PPFIA1: variants seen among roughly 807,000 people sequenced by gnomAD.
PPFIA1 encodes PPFI scaffold protein A1, also known as liprin-alpha-1.
A neutral mutation model predicts 149.9 loss-of-function variants in PPFIA1; 25 were observed. The observed-to-expected ratio is 0.17, with a 90% CI of 0.12 to 0.23. The LOEUF is 0.23. PPFIA1 is among the 10% of genes least tolerant of loss of function. The pLI is 1.00. For missense variants in PPFIA1, 1,362 were observed against 1,506.5 expected (o/e 0.90, Z 1.59); for synonymous variants, 549 against 552.8 (o/e 0.99, Z 0.10).
intron 13 of PPFIA1, among the ~76,000 whole-genome samples, 179 bp from the exon 14 acceptor site, chr11:70,338,991 TA>T (rs1258815671): frequency 6.6e-6 from 1 of 152,242 alleles, no homozygotes; most frequent in African/African-American, 2.4e-5. Flanking sequence ...GCTGAGAGAC[TA>T]AAACTGTTGG....
intron 2 of PPFIA1, among the ~76,000 whole-genome samples, chr11:70,301,170 A>G (rs2052463861): frequency 6.6e-6 from 1 of 152,224 alleles, no homozygotes; most frequent in African/African-American, 2.4e-5. Context: ...TAAAATCTGT[A>G]AAATAGAGAT....
At position 70,272,206 on chromosome 11, in the gene PPFIA1, G is replaced by A. The variant is rs1305768912; in HGVS notation, c.34G>A (p.Ala12Thr). The change falls in exon 2 of 28, where the codon GCA (alanine) becomes ACA (threonine). Residue 12 changes from alanine to threonine, a missense_variant. Physicochemically the swap from Ala to Thr is moderately conservative, Grantham distance 58 (BLOSUM62 0). This residue lies in a region of PPFIA1 where 100 missense variants were observed against 106.2 expected (regional missense o/e 0.94). Coordinates refer to ENST00000253925, the MANE Select transcript of PPFIA1 (RefSeq NM_003626.5). The part of the protein sequence containing the change: ...MCEVMPTISE[A>T]EGPPGGGGGH... Reference sequence around the variant, plus strand: ...CGAGGTGATGCCGACCATCAGCGAAGCAGAAGGCCCCCCTGGAGGAGGTGG... The same window carrying A: ...CGAGGTGATGCCGACCATCAGCGAAACAGAAGGCCCCCCTGGAGGAGGTGG... 4 of 1,613,868 alleles carry A rather than the reference G, an allele frequency of 2.5e-6. No homozygotes were observed. The highest frequency in any genetic ancestry group is 1.3e-5 in the African/African-American group (1 of 74,922).
At chr11:70,354,951 T>C in intron 17 of PPFIA1, among the ~76,000 whole-genome samples, 1 of 152,098 alleles carries the variant, frequency 6.6e-6, no homozygotes, top group Non-Finnish European at 1.5e-5. Context: ...TTTTTTTTCT[T>C]TTTGAGATAG....
At chr11:70,289,033 T>C (rs1399905085) in intron 2 of PPFIA1, among the ~76,000 whole-genome samples, 1 of 145,902 alleles carries the variant, frequency 6.9e-6, no homozygotes, top group African/African-American at 2.5e-5. Context: ...AATGGCGCCA[T>C]CTCAGCTCAC....
rs560674097 is a variant in PPFIA1 at position 70,286,919 on chromosome 11, C to CACACATATATAT, written c.264+14505_264+14516dup. On this transcript the variant is annotated intron_variant, in intron 2 of 27. Transcript: ENST00000253925. ...CTAATGTTTTTTCTGTGTGTGTATA[C>CACACATATATAT]ACACATATATATACACATATATATA... Among the ~76,000 whole-genome samples, 20 of 144,856 alleles carry CACACATATATAT rather than the reference C, an allele frequency of 1.4e-4. No homozygotes were observed. The Middle Eastern group carries it at 0.018, about 128-fold the overall frequency.
At chr11:70,330,963 G>A (rs1565404620) in intron 8 of PPFIA1, among the ~76,000 whole-genome samples, 1 of 152,022 alleles carries the variant, frequency 6.6e-6, no homozygotes, top group Non-Finnish European at 1.5e-5. Context: ...GCCAGGCGCG[G>A]TGGCTCACAC....
chr11:70,364,678 G>T (rs1304004028), intron 21 of PPFIA1: 1 of 152,128 alleles, frequency 6.6e-6, no homozygotes, highest in Non-Finnish European at 1.5e-5. Context: ...TGCCTCAGGA[G>T]CAGTGTCTGA....
chr11:70,286,426 A>G (rs1046993600), intron 2 of PPFIA1, among the ~76,000 whole-genome samples: 3 of 151,904 alleles, frequency 2.0e-5, no homozygotes, highest in Non-Finnish European at 4.4e-5. Flanking sequence ...TAATTTTTGT[A>G]TTTTTGTAGA....
chr11:70,333,359 G>A lies in PPFIA1; in HGVS notation c.1213-111G>A, dbSNP rs1277916958. 4 of 800,218 alleles carry A rather than the reference G, an allele frequency of 5.0e-6. No homozygotes were observed. In the African/African-American group the frequency reaches 6.8e-5, roughly 14 times the overall value. 49.6% of individuals were successfully genotyped at this position (800,218 alleles called of 1,614,324 possible). ...TGAGTACATGCTTTCCATTTAGTAT[G>A]GCGGAGCAGCCCACGCAGAGCATGT... On this transcript the variant is annotated intron_variant, in intron 9 of 27. Coordinates refer to ENST00000253925, the MANE Select transcript of PPFIA1 (RefSeq NM_003626.5).
intron 2 of PPFIA1, among the ~76,000 whole-genome samples, chr11:70,316,586 T>G (rs2053642608): frequency 6.6e-6 from 1 of 152,100 alleles, no homozygotes; most frequent in East Asian, 1.9e-4. Context: ...GGCACCCACG[T>G]GAGGTTGGGG....
At chr11:70,351,051 T>A (rs1010071912) in intron 16 of PPFIA1, 1 of 1,165,170 alleles carries the variant, frequency 8.6e-7, no homozygotes, top group East Asian at 6.0e-5. Flanking sequence ...TTAACATATC[T>A]TTGTATCTCC....
chr11:70,332,412 A>T (rs752932721), intron 9 of PPFIA1, among the ~76,000 whole-genome samples: 1 of 152,194 alleles, frequency 6.6e-6, no homozygotes. Context: ...AAAGAAGGGT[A>T]GTTTTTCTCA....
intron 11 of PPFIA1, 65 bp from the exon 12 acceptor site, chr11:70,337,300 C>T: frequency 9.2e-7 from 1 of 1,087,890 alleles, no homozygotes; most frequent in African/African-American, 1.6e-5. Context: ...TAAACGAATA[C>T]AGCCATGCTA....
chr11:70,359,508 C>T (rs1301218318), intron 19 of PPFIA1, among the ~76,000 whole-genome samples: 7 of 152,116 alleles, frequency 4.6e-5, no homozygotes, highest in African/African-American at 1.4e-4. Flanking sequence ...TGCTCTGTCA[C>T]CCAGGTAGCA....
At chr11:70,322,942 A>G (rs2054034699) in intron 2 of PPFIA1, among the ~76,000 whole-genome samples, 1 of 144,850 alleles carries the variant, frequency 6.9e-6, no homozygotes, top group South Asian at 2.2e-4. Context: ...CTCAGTTCTG[A>G]GCCCCACATA....
At chr11:70,353,959 T>G (rs773914184) in intron 16 of PPFIA1, among the ~76,000 whole-genome samples, 2 of 152,220 alleles carry the variant, frequency 1.3e-5, no homozygotes, top group Non-Finnish European at 2.9e-5. Context: ...TTTATCGGTG[T>G]TGTTCAGATC....
intron 26 of PPFIA1, 148 bp downstream of exon 26, chr11:70,378,343 TTAACTC>T (rs1302405960): frequency 3.5e-5 from 47 of 1,324,380 alleles, no homozygotes; most frequent in Middle Eastern, 2.6e-4. Flanking sequence ...TGTTTTTAAA[TTAACTC>T]TAACATTTGT....
intron 2 of PPFIA1, among the ~76,000 whole-genome samples, chr11:70,272,900 C>T (rs544678133): frequency 6.6e-6 from 1 of 152,176 alleles, no homozygotes; most frequent in Non-Finnish European, 1.5e-5. Flanking sequence ...ATCAGAACAT[C>T]TAGGTTTTGT....
At position 70,362,436 on chromosome 11, in the gene PPFIA1, T is replaced by C. The variant is rs1180544088; in HGVS notation, c.2813T>C (p.Ile938Thr). 1.2e-6 allele frequency: 2 copies of C among 1,614,032 alleles called. No individual in the cohort carries two copies. The highest frequency in any genetic ancestry group is 1.7e-6 in the Non-Finnish European group (2 of 1,180,032). Residue 938 changes from isoleucine (I) to threonine (T), a missense_variant, in exon 21 of 28, where the codon ATC becomes ACC. Around this residue, in one of 7 missense-constraint regions of PPFIA1, gnomAD observed 349 missense variants for 373.3 expected, o/e 0.93. Transcript: ENST00000253925. ...PLHRLKLRLAIQEIMSLTSPS... is the reference protein window; with the variant it reads ...PLHRLKLRLATQEIMSLTSPS... ...CACAGGCTGAAGCTGAGGCTGGCCA[T>C]CCAGGAGATCATGTCGCTGACCAGC... is the stretch of plus-strand genomic sequence containing the variant.
Sources: allele counts gnomAD v4.1 joint callset (sites outside exome capture counted in the v4.1 genomes callset), GRCh38; gene constraint gnomAD v4.1.1; regional missense constraint gnomAD v4.1.1; transcripts MANE v1.5; gene names NCBI Gene and HGNC (gene_info 2026-07-23, HGNC 2026-07-21).